The following RUNX1T1 variants were observed in gnomAD, a reference collection of about 807,000 sequenced individuals.
The protein encoded by RUNX1T1 is RUNX1 partner transcriptional co-repressor 1.
A neutral mutation model predicts 62.8 loss-of-function variants in RUNX1T1; 4 were observed. The ratio of observed to expected loss-of-function variants is 0.06; its 90% CI spans 0.03 to 0.15. The LOEUF (loss-of-function observed/expected upper bound fraction) is 0.15, where lower values mean the gene tolerates loss of function less well. RUNX1T1 is among the 10% of genes least tolerant of loss of function. RUNX1T1 has a pLI of 1.00. For synonymous variants in RUNX1T1, 291 were observed against 286.0 expected, an observed-to-expected ratio of 1.02 and a Z score of -0.18; for missense variants, 508 against 754.3, an observed-to-expected ratio of 0.67 and a Z score of 3.82.
intron 5 of RUNX1T1, among the ~76,000 whole-genome samples, chr8:91,996,293 C>G (rs1246850192): frequency 6.6e-6 from 1 of 152,164 alleles, no homozygotes; most frequent in Non-Finnish European, 1.5e-5. Flanking sequence ...GCTCCACCTC[C>G]TGGGTTCACA....
At chr8:92,063,470 T>C (rs372521604), upstream of RUNX1T1, 1 of 152,216 alleles carries the variant, frequency 6.6e-6, no homozygotes, top group East Asian at 1.9e-4. Flanking sequence ...CCTGATTTCT[T>C]TGCACACCCC....
intron 1 of RUNX1T1, among the ~76,000 whole-genome samples, chr8:92,022,402 G>A (rs1052508695): frequency 2.0e-5 from 3 of 152,094 alleles, no homozygotes; most frequent in South Asian, 2.1e-4. Context: ...CACAGGTGCC[G>A]TGATCTGAAT....
chr8:92,078,400 ATCTC>A (rs1170186190), intron 1 of RUNX1T1, among the ~76,000 whole-genome samples: 2 of 152,116 alleles, frequency 1.3e-5, no homozygotes, highest in African/African-American at 2.4e-5. Context: ...TGATAATAAA[ATCTC>A]TCTATCTTTA....
intron 8 of RUNX1T1, among the ~76,000 whole-genome samples, chr8:91,985,733 T>C (rs183716912): frequency 6.6e-6 from 1 of 152,336 alleles, no homozygotes; most frequent in Admixed American, 6.5e-5. Flanking sequence ...TGTGCAGTGA[T>C]AACATTGGTA....
intron 2 of RUNX1T1, among the ~76,000 whole-genome samples, chr8:92,069,483 T>C (rs1833365808): frequency 6.6e-6 from 1 of 152,128 alleles, no homozygotes; most frequent in Admixed American, 6.5e-5. Context: ...ATTCTCCACT[T>C]ATATCTCTCC....
chr8:91,957,449 G>A (rs1398087878), downstream of RUNX1T1: 1 of 231,766 alleles, frequency 4.3e-6, no homozygotes, highest in African/African-American at 2.2e-5. Flanking sequence ...AGAGGAAGAG[G>A]AGGAAGAGGG....
At chr8:92,074,288 T>C (rs1213481596) in intron 2 of RUNX1T1, among the ~76,000 whole-genome samples, 5 of 152,252 alleles carry the variant, frequency 3.3e-5, no homozygotes, top group African/African-American at 7.2e-5. Flanking sequence ...AGATCTTCCA[T>C]GCTGCAATGG....
intron 1 of RUNX1T1, among the ~76,000 whole-genome samples, chr8:92,034,182 A>G (rs1826819630): frequency 1.3e-5 from 2 of 152,156 alleles, no homozygotes; most frequent in African/African-American, 4.8e-5. Context: ...TTCATATAAC[A>G]GTGCCTAGCA....
chr8:92,101,836 T>TC (rs1232464226), upstream of RUNX1T1, among the ~76,000 whole-genome samples: 3 of 151,560 alleles, frequency 2.0e-5, no homozygotes, highest in Non-Finnish European at 2.9e-5. Flanking sequence ...CAGCGCCAGG[T>TC]CCCCCCCGGG....
Position 91,972,434 on chromosome 8 carries a change from T to A in RUNX1T1, c.1268-1586A>T, listed in dbSNP as rs149593327. ...TTAACTAAATTATATTAAGCCGTTG[T>A]TAGCTGCTTTAAGATATGCATTTAA... On this transcript the variant is annotated intron_variant, in intron 9 of 10. Coordinates refer to ENST00000396218, the Ensembl canonical transcript of RUNX1T1. Among the ~76,000 whole-genome samples, 24 of 152,302 alleles carry A rather than the reference T, an allele frequency of 1.6e-4. No homozygotes were observed. In the East Asian group the frequency reaches 4.6e-3, roughly 29 times the overall value.
intron 2 of RUNX1T1, among the ~76,000 whole-genome samples, chr8:92,016,962 C>T (rs1823132890): frequency 6.6e-6 from 1 of 152,088 alleles, no homozygotes; most frequent in South Asian, 2.1e-4. Flanking sequence ...CCAAATGCTG[C>T]TTCATTTGCT....
intron 1 of RUNX1T1, among the ~76,000 whole-genome samples, chr8:92,047,508 C>G (rs985229660): frequency 6.6e-6 from 1 of 152,110 alleles, no homozygotes; most frequent in Admixed American, 6.5e-5. Flanking sequence ...ACACCCCACC[C>G]ACCTCACATA....
chr8:92,009,986 T>C (rs1821613525), intron 4 of RUNX1T1: 1 of 152,186 alleles, frequency 6.6e-6, no homozygotes, highest in Non-Finnish European at 1.5e-5. Flanking sequence ...AAGTTCAGAA[T>C]TGGGGCTCAT....
chr8:92,064,620 A>AT (rs961547632), upstream of RUNX1T1, among the ~76,000 whole-genome samples: 207 of 149,934 alleles, frequency 1.4e-3, no homozygotes, highest in Admixed American at 2.2e-3. Flanking sequence ...CATGCCACTG[A>AT]TTTTTTTTTT....
chr8:91,971,104 C>T (rs1046712517), intron 9 of RUNX1T1: 16 of 363,236 alleles, frequency 4.4e-5, no homozygotes, highest in Middle Eastern at 1.4e-3. Context: ...AATTATTGGG[C>T]AGTTCCAGCA....
At chr8:92,061,906 A>G (rs1431206435) in intron 1 of RUNX1T1, among the ~76,000 whole-genome samples, 1 of 152,234 alleles carries the variant, frequency 6.6e-6, no homozygotes, top group Non-Finnish European at 1.5e-5. Context: ...CAACGATCAC[A>G]GAAACACTCC....
chr8:92,027,545 A>C (rs1825450403), intron 1 of RUNX1T1, among the ~76,000 whole-genome samples: 1 of 152,162 alleles, frequency 6.6e-6, no homozygotes, highest in Middle Eastern at 3.2e-3. Context: ...GATAGGAAAA[A>C]CAAGTCTGAA....
At chr8:92,086,088 G>A (rs932309744) in intron 1 of RUNX1T1, among the ~76,000 whole-genome samples, 11 of 152,152 alleles carry the variant, frequency 7.2e-5, no homozygotes, top group Non-Finnish European at 1.3e-4. Flanking sequence ...TTGGGGTACT[G>A]AACAAATGAA....
chr8:92,029,262 A>G (rs1825803985), intron 1 of RUNX1T1, among the ~76,000 whole-genome samples: 1 of 152,238 alleles, frequency 6.6e-6, no homozygotes. Context: ...TTAGGCAGCC[A>G]AATGAGATGT....
Sources: allele counts gnomAD v4.1 joint callset (sites outside exome capture counted in the v4.1 genomes callset), GRCh38; gene constraint gnomAD v4.1.1; transcripts MANE v1.5; gene names NCBI Gene and HGNC (gene_info 2026-07-23, HGNC 2026-07-21).